The following WDR86 variants were observed in gnomAD, a reference collection of about 807,000 sequenced individuals.
WDR86 encodes WD repeat-containing protein 86.
A neutral mutation model predicts 36.5 loss-of-function variants in WDR86; 30 were observed. That is an observed-to-expected ratio of 0.82 (90% CI 0.61 to 1.11). WDR86 has a LOEUF of 1.11. WDR86 is among the 50% of genes most tolerant of loss of function. The probability of loss-of-function intolerance (pLI) is 0.00; values close to 1 mark genes in which losing one functional copy is unlikely to be tolerated. For synonymous variants in WDR86, 255 were observed against 252.9 expected (o/e 1.01, Z -0.08); for missense variants, 545 against 561.2 (o/e 0.97, Z 0.29).
At position 151,381,754 on chromosome 7, in the gene WDR86, C is replaced by T. The variant is rs1396928981; in HGVS notation, c.967-8G>A. The T allele has an allele frequency of 4.0e-6, 6 of 1,499,962 alleles. No homozygotes were observed. The highest frequency in any genetic ancestry group is 1.9e-4 in the Middle Eastern group (1 of 5,270). 92.9% of individuals were successfully genotyped at this position (1,499,962 alleles called of 1,614,324 possible). A position where few individuals can be genotyped will look rare whatever the true frequency, so the allele number is the denominator to read the frequency against. On this transcript the variant is annotated splice_polypyrimidine_tract_variant and splice_region_variant and intron_variant, in intron 5 of 5. Transcript: ENST00000334493. The surrounding 1 kb of genome is among the most constrained non-coding windows in gnomAD (Gnocchi z 4.8). ...GAGCACCTGGCCGTGCACCTGCGGG[C>T]GCAGGGGCGGGCGTCACCGGTGACG...
intron 2 of WDR86, among the ~76,000 whole-genome samples, chr7:151,396,541 T>TG (rs200731615): frequency 1.3e-5 from 2 of 151,006 alleles, no homozygotes; most frequent in East Asian, 2.0e-4. Flanking sequence ...GGGAAGCGGG[T>TG]GGGGGGGAAG....
chr7:151,379,766 T>C (rs927243659), downstream of WDR86, among the ~76,000 whole-genome samples: 2 of 152,178 alleles, frequency 1.3e-5, no homozygotes, highest in Non-Finnish European at 1.5e-5. Flanking sequence ...TGCTCCATTC[T>C]CTGCTGTGGG....
At chr7:151,376,919 A>T, downstream of WDR86, 5 of 1,435,264 alleles carry the variant, frequency 3.5e-6, no homozygotes, top group Non-Finnish European at 4.7e-6. Context: ...GCGTCCCCTG[A>T]CGTCACCGGG....
chr7:151,383,898 C>T (rs961296201), intron 4 of WDR86, among the ~76,000 whole-genome samples: 15 of 152,224 alleles, frequency 9.9e-5, no homozygotes, highest in Non-Finnish European at 2.1e-4. Context: ...CCCGGCTGCA[C>T]GGGGAGGTGT....
intron 1 of WDR86, among the ~76,000 whole-genome samples, chr7:151,404,120 T>C (rs990415197): frequency 1.2e-4 from 19 of 152,204 alleles, no homozygotes; most frequent in African/African-American, 4.6e-4. Context: ...GGGACCACTT[T>C]ATGATGTGTG....
chr7:151,396,723 G>A (rs1320044656), intron 2 of WDR86, among the ~76,000 whole-genome samples: 1 of 152,230 alleles, frequency 6.6e-6, no homozygotes, highest in Non-Finnish European at 1.5e-5. Flanking sequence ...GCCCTGAGAA[G>A]CTGGAGAGCA....
chr7:151,386,084 T>A (rs1403807548), intron 3 of WDR86, among the ~76,000 whole-genome samples: 1 of 152,010 alleles, frequency 6.6e-6, no homozygotes, highest in Admixed American at 6.5e-5. Context: ...CTGCCACTAC[T>A]GCTAGGGCCC....
chr7:151,371,495 G>A (rs1324078217), downstream of WDR86, among the ~76,000 whole-genome samples: 6 of 152,054 alleles, frequency 3.9e-5, no homozygotes, highest in African/African-American at 1.2e-4. Flanking sequence ...CTGGAGGAAC[G>A]CCAAGACTGG....
intron 1 of WDR86, chr7:151,408,971 A>C: frequency 2.1e-6 from 1 of 474,228 alleles, no homozygotes; most frequent in East Asian, 6.9e-5. Context: ...GGCCCTTAAC[A>C]AGCGTCTACT....
downstream of WDR86, among the ~76,000 whole-genome samples, chr7:151,380,469 C>T (rs1351968674): frequency 6.6e-6 from 1 of 152,200 alleles, no homozygotes; most frequent in Non-Finnish European, 1.5e-5. Context: ...CTTCTCTCTG[C>T]AGCGAGATGA....
downstream of WDR86, chr7:151,376,834 C>A (rs1342302502): frequency 5.1e-6 from 8 of 1,555,726 alleles, no homozygotes; most frequent in Non-Finnish European, 7.0e-6. Context: ...TCTTTGAGGG[C>A]CGCATTGAGA....
chr7:151,406,492 G>T lies in WDR86; in HGVS notation c.163+2935C>A, dbSNP rs762282131. 6.6e-6 allele frequency among the ~76,000 whole-genome samples: 1 copy of T among 152,216 alleles called. No homozygotes were observed. The highest frequency in any genetic ancestry group is 1.5e-5 in the Non-Finnish European group (1 of 68,040). Reference sequence around the variant, plus strand: ...CTTGTGGGCCCAGAGCTGTGCAAGGGCCAGGACGGAACCAAAGTGGAAAGA... The same window carrying T: ...CTTGTGGGCCCAGAGCTGTGCAAGGTCCAGGACGGAACCAAAGTGGAAAGA... On this transcript the variant is annotated intron_variant, in intron 1 of 5. Transcript: ENST00000334493. This position sits in a 1 kb window ranked among gnomAD's most constrained non-coding sequence, Gnocchi z 4.4.
chr7:151,374,685 A>G (rs1798125927), downstream of WDR86: 1 of 202,610 alleles, frequency 4.9e-6, no homozygotes, highest in Non-Finnish European at 1.0e-5. Flanking sequence ...CTTTTCAAAG[A>G]ACCCCTCAGG....
chr7:151,379,135 A>AAGAT (rs1798444910), downstream of WDR86, among the ~76,000 whole-genome samples: 1 of 152,136 alleles, frequency 6.6e-6, no homozygotes, highest in Non-Finnish European at 1.5e-5. Flanking sequence ...TGGGACAAAC[A>AAGAT]AGATAGTATT....
At chr7:151,375,740 A>C, downstream of WDR86, 1 of 724,988 alleles carries the variant, frequency 1.4e-6, no homozygotes, top group Non-Finnish European at 2.5e-6. Flanking sequence ...TCTGCCTCAT[A>C]GCAGCAGAGG....
intron 1 of WDR86, among the ~76,000 whole-genome samples, chr7:151,404,031 A>C (rs1402331899): frequency 2.6e-5 from 4 of 152,204 alleles, no homozygotes; most frequent in African/African-American, 9.6e-5. Flanking sequence ...CTTAAAAGCC[A>C]ATGGCGGCTA....
chr7:151,399,956 A>T, intron 2 of WDR86, 144 bp downstream of exon 2: 1 of 688,006 alleles, frequency 1.5e-6, no homozygotes, highest in Non-Finnish European at 2.2e-6. Context: ...GCTGGGTGCT[A>T]CTGACCACCT....
At chr7:151,378,410 G>A (rs1798412161), downstream of WDR86, 1 of 152,226 alleles carries the variant, frequency 6.6e-6, no homozygotes, top group South Asian at 2.1e-4. Flanking sequence ...TTAAACGGAT[G>A]ATACCGATGG....
At chr7:151,369,494 G>T in the WDR86 span, among the ~76,000 whole-genome samples, 1 of 152,058 alleles carries the variant, frequency 6.6e-6, no homozygotes, top group Non-Finnish European at 1.5e-5. Context: ...TTGCATCCTT[G>T]CCTAGAAACA....
Sources: allele counts gnomAD v4.1 joint callset (sites outside exome capture counted in the v4.1 genomes callset), GRCh38; gene constraint gnomAD v4.1.1; non-coding constraint Gnocchi (gnomAD v3.1); transcripts MANE v1.5; gene names NCBI Gene and HGNC (gene_info 2026-07-23, HGNC 2026-07-21).